SGIP1: variants seen among roughly 807,000 people sequenced by gnomAD.
The protein encoded by SGIP1 is SH3-containing GRB2-like protein 3-interacting protein 1.
A neutral mutation model predicts 107.5 loss-of-function variants in SGIP1; 38 were observed. The ratio of observed to expected loss-of-function variants is 0.35; its 90% CI spans 0.27 to 0.46. The LOEUF (loss-of-function observed/expected upper bound fraction) is 0.46. Among genes scored for constraint, SGIP1 ranks in the 20% least tolerant of loss-of-function variants. The probability of loss-of-function intolerance (pLI) is 1.00; values close to 1 mark genes in which losing one functional copy is unlikely to be tolerated. For missense variants in SGIP1, 929 were observed against 1,019.5 expected (o/e 0.91, Z 1.21); for synonymous variants, 365 against 366.1 (o/e 1.00, Z 0.03).
At position 66,679,235 on chromosome 1, in the gene SGIP1, C is replaced by T. The variant is rs561297702; in HGVS notation, c.740-443C>T. ...CTGGATTAAAAACCCCTCACAGGAG[C>T]CCCCACCCAACCTGTGATTTCCGTT... is the stretch of plus-strand genomic sequence containing the variant. On this transcript the variant is annotated intron_variant, in intron 13 of 24. Transcript: ENST00000371037. 4.6e-5 allele frequency among the ~76,000 whole-genome samples: 7 copies of T among 152,294 alleles called. No individual in the cohort carries two copies. The South Asian group carries it at 1.5e-3, about 32-fold the overall frequency.
At chr1:66,631,060 A>AAAGAAAG (rs1180605939) in intron 2 of SGIP1, among the ~76,000 whole-genome samples, 2 of 113,256 alleles carry the variant, frequency 1.8e-5, no homozygotes, top group African/African-American at 3.1e-5. Flanking sequence ...AGAAAGAAAG[A>AAAGAAAG]AAGAAAGAAA....
chr1:66,614,739 A>C (rs2068792074), intron 1 of SGIP1, among the ~76,000 whole-genome samples: 1 of 148,360 alleles, frequency 6.7e-6, no homozygotes, highest in African/African-American at 2.5e-5. Context: ...TACTTTATCT[A>C]CCTCTCTGCC....
At chr1:66,710,783 A>G (rs1381588680) in intron 18 of SGIP1, among the ~76,000 whole-genome samples, 8 of 152,194 alleles carry the variant, frequency 5.3e-5, no homozygotes, top group African/African-American at 1.7e-4. Flanking sequence ...CATCACACCT[A>G]AAGTCATTGT....
intron 1 of SGIP1, among the ~76,000 whole-genome samples, chr1:66,591,634 G>T (rs1050457778): frequency 6.6e-6 from 1 of 152,196 alleles, no homozygotes; most frequent in African/African-American, 2.4e-5. Flanking sequence ...ACTGAGAAAA[G>T]AAATAAGACA....
chr1:66,556,721 G>T lies in SGIP1; in HGVS notation c.10+22353G>T, dbSNP rs148521083. Among the ~76,000 whole-genome samples, 228 of 151,740 alleles carry T rather than the reference G, an allele frequency of 1.5e-3. 1 individual carries two copies. The highest frequency in any genetic ancestry group is 5.4e-3 in the African/African-American group (225 of 41,338). On this transcript the variant is annotated intron_variant, in intron 1 of 24. Transcript: ENST00000371037. ...CCAACTGGACCCTGTTCAAATGAGC[G>T]TGGAGATCAGAAAGTATTCTTTAAA...
intron 5 of SGIP1, among the ~76,000 whole-genome samples, chr1:66,641,459 T>C (rs1002082799): frequency 6.6e-6 from 1 of 152,144 alleles, no homozygotes; most frequent in Non-Finnish European, 1.5e-5. Flanking sequence ...GACAGACCTA[T>C]AACCTCAACT....
At chr1:66,671,836 TG>T (rs945955671) in intron 10 of SGIP1, 107 bp from the exon 11 acceptor site, 2 of 1,010,234 alleles carry the variant, frequency 2.0e-6, no homozygotes, top group Admixed American at 2.2e-5. Flanking sequence ...CATACTGAGT[TG>T]CTTATTGATG....
At chr1:66,731,904 T>C (rs1351798891) in intron 20 of SGIP1, among the ~76,000 whole-genome samples, 1 of 152,208 alleles carries the variant, frequency 6.6e-6, no homozygotes, top group African/African-American at 2.4e-5. Flanking sequence ...AAAAGTTTGC[T>C]TGTAAAAAAT....
At chr1:66,580,771 A>G (rs1364561251) in intron 1 of SGIP1, among the ~76,000 whole-genome samples, 2 of 152,184 alleles carry the variant, frequency 1.3e-5, no homozygotes, top group Non-Finnish European at 2.9e-5. Context: ...TGATTCATGC[A>G]TGACTACATA....
At position 66,739,263 on chromosome 1, in the gene SGIP1, T is replaced by G. The variant is rs566705013; in HGVS notation, c.2032-72T>G. Reference sequence around the variant, plus strand: ...TTGCTTGTGAGCAGCATAAACAACATATGACATTTTGTTTGATGTCTAAGA... The same window carrying G: ...TTGCTTGTGAGCAGCATAAACAACAGATGACATTTTGTTTGATGTCTAAGA... On this transcript the variant is annotated intron_variant, in intron 21 of 24. Coordinates refer to ENST00000371037, the MANE Select transcript of SGIP1 (RefSeq NM_032291.4). 3.3e-6 allele frequency: 5 copies of G among 1,511,928 alleles called. No homozygotes were observed. The Admixed American group carries it at 5.7e-5, about 17-fold the overall frequency. The allele number at this position is 1,511,928 out of a possible 1,614,324, so 93.7% of individuals were successfully genotyped here. A position where few individuals can be genotyped will look rare whatever the true frequency, so the allele number is the denominator to read the frequency against.
At chr1:66,561,121 G>T (rs2058875911) in intron 1 of SGIP1, among the ~76,000 whole-genome samples, 1 of 152,042 alleles carries the variant, frequency 6.6e-6, no homozygotes, top group South Asian at 2.1e-4. Flanking sequence ...GCCAGACACT[G>T]TTCTGGCTAC....
intron 1 of SGIP1, among the ~76,000 whole-genome samples, chr1:66,589,208 A>ATG (rs1453675527): frequency 2.1e-4 from 18 of 87,584 alleles, no homozygotes; most frequent in South Asian, 2.0e-3. Context: ...ATATATATAT[A>ATG]TATATATATG....
chr1:66,681,731 A>C (rs1557602712), intron 14 of SGIP1, 138 bp from the exon 15 acceptor site: 1 of 804,320 alleles, frequency 1.2e-6, no homozygotes, highest in Non-Finnish European at 2.0e-6. Context: ...TAATCCAATA[A>C]AGATATTTTT....
At chr1:66,599,908 A>C (rs2065439162) in intron 1 of SGIP1, among the ~76,000 whole-genome samples, 3 of 152,150 alleles carry the variant, frequency 2.0e-5, no homozygotes, top group Admixed American at 1.3e-4. Context: ...TGAACACTAA[A>C]GAGAGTCTAG....
At chr1:66,630,357 C>T (rs2073997957) in intron 2 of SGIP1, among the ~76,000 whole-genome samples, 1 of 152,102 alleles carries the variant, frequency 6.6e-6, no homozygotes, top group South Asian at 2.1e-4. Flanking sequence ...TTCCCAAAGG[C>T]ATCTCCACAT....
chr1:66,733,981 C>T, intron 21 of SGIP1, 101 bp downstream of exon 21: 1 of 1,303,138 alleles, frequency 7.7e-7, no homozygotes, highest in Non-Finnish European at 1.0e-6. Flanking sequence ...CTTCTTTTAA[C>T]AGTATTTAAA....
rs202090618 is a variant in SGIP1, at chr1:66,682,380, T to C, written c.1315+11T>C. On this transcript the variant is annotated intron_variant, in intron 15 of 24. Transcript: ENST00000371037. ...CGGGGACCACCAGTGGTATGTCTTATGCTTGAGTGTGCTTCTTGTGACGGG... is the reference window on the plus strand; with the variant it reads ...CGGGGACCACCAGTGGTATGTCTTACGCTTGAGTGTGCTTCTTGTGACGGG... 1.4e-5 allele frequency: 23 copies of C among 1,589,654 alleles called. No homozygotes were observed. In the Admixed American group the frequency reaches 2.6e-4, roughly 18 times the overall value.
intron 1 of SGIP1, among the ~76,000 whole-genome samples, chr1:66,546,706 G>C (rs2056463311): frequency 6.6e-6 from 1 of 152,186 alleles, no homozygotes; most frequent in South Asian, 2.1e-4. Flanking sequence ...CATTGCCCCA[G>C]GCAGTTGAGT....
rs562855583 is a variant in SGIP1 at position 66,553,475 on chromosome 1, C to T, written c.10+19107C>T. 2.6e-5 allele frequency among the ~76,000 whole-genome samples: 4 copies of T among 151,836 alleles called. 1 individual carries two copies. In the South Asian group the frequency reaches 6.2e-4, roughly 24 times the overall value. ...TGGATCATTTGAGGTCAGAAGTTTG[C>T]GACCAACCTGGCCAACGTGGTGAAA... is the stretch of plus-strand genomic sequence containing the variant. On this transcript the variant is annotated intron_variant, in intron 1 of 24. Transcript: ENST00000371037.
Sources: gnomAD v4.1 joint callset for allele counts (sites outside exome capture counted in the v4.1 genomes callset) on GRCh38, gnomAD v4.1.1 for gene constraint, MANE v1.5 for transcripts, NCBI Gene and HGNC (gene_info 2026-07-23, HGNC 2026-07-21) for gene names.